TRIM5: variants seen among roughly 807,000 people sequenced by gnomAD.
TRIM5 encodes the protein tripartite motif containing 5.
A neutral mutation model predicts 35.6 loss-of-function variants in TRIM5; 31 were observed. That is an observed-to-expected ratio of 0.87 (90% CI 0.65 to 1.18). The LOEUF (loss-of-function observed/expected upper bound fraction) is 1.18, where lower values mean the gene tolerates loss of function less well. TRIM5 is among the 50% of genes most tolerant of loss of function. The probability of loss-of-function intolerance (pLI) is 0.00; values close to 1 mark genes in which losing one functional copy is unlikely to be tolerated. For missense variants in TRIM5, 609 were observed against 591.6 expected (o/e 1.03, Z -0.31); for synonymous variants, 243 against 215.6 (o/e 1.13, Z -1.11).
At chr11:5,611,122 A>G in the TRIM5 span, 7 of 1,614,006 alleles carry the variant, frequency 4.3e-6, no homozygotes, top group Non-Finnish European at 5.1e-6. Context: ...AGGGCCTATG[A>G]GGATTCTTCC....
At chr11:5,658,577 C>T (rs546111861), downstream of TRIM5, among the ~76,000 whole-genome samples, 4 of 152,186 alleles carry the variant, frequency 2.6e-5, no homozygotes, top group Admixed American at 6.5e-5. Context: ...TTCTAAGTGT[C>T]TATTACCCTG....
chr11:5,652,639 C>T, the TRIM5 span, among the ~76,000 whole-genome samples: 2 of 152,150 alleles, frequency 1.3e-5, no homozygotes, highest in South Asian at 4.1e-4. Context: ...AATTCCTTGG[C>T]TATTTGGGTT....
Position 5,665,280 on chromosome 11 carries a change from C to G in TRIM5, c.1011G>C (p.Gln337His), listed in dbSNP as rs1460611323. ...TACAATAATTGAAATTCACAAATGT[C>G]TGGTATCTTGTCCCTCGTGCCCCAT... ...IIYGARGTRY[Q>H]TFVNFNYCTG... is the part of the protein sequence containing the mutation. The change falls in exon 8 of 8, where the codon CAG becomes CAC. Residue 337 changes from glutamine to histidine, a missense_variant. Coordinates refer to ENST00000380034, the MANE Select transcript of TRIM5 (RefSeq NM_033034.3). The G allele has an allele frequency of 5.0e-6, 8 of 1,614,054 alleles. No individual in the cohort carries two copies. Among genetic ancestry groups the G allele is most frequent in the Non-Finnish European group, 6.8e-6 (8 of 1,180,044 alleles).
chr11:5,639,024 A>T, the TRIM5 span, among the ~76,000 whole-genome samples: 1 of 152,142 alleles, frequency 6.6e-6, no homozygotes, highest in Non-Finnish European at 1.5e-5. Context: ...TGGGGTCTAG[A>T]AAGCTTTCTC....
the TRIM5 span, among the ~76,000 whole-genome samples, chr11:5,616,950 T>G: frequency 1.5e-3 from 211 of 143,190 alleles, 29 homozygotes; most frequent in South Asian, 0.046. Context: ...TTGGCCAGGC[T>G]GATCTCAAAC....
the TRIM5 span, among the ~76,000 whole-genome samples, chr11:5,609,905 A>G: frequency 6.6e-6 from 1 of 152,126 alleles, no homozygotes; most frequent in Non-Finnish European, 1.5e-5. Context: ...CCTGGGTGAC[A>G]GAGCGAGACT....
At chr11:5,665,519 GTAAGT>G in intron 7 of TRIM5, 124 bp from the exon 8 acceptor site, 1 of 1,553,568 alleles carries the variant, frequency 6.4e-7, no homozygotes, top group Non-Finnish European at 8.6e-7. Flanking sequence ...ATAAGGAGGG[GTAAGT>G]TATGTGTGTC....
At chr11:5,654,028 CTT>C in the TRIM5 span, among the ~76,000 whole-genome samples, 5 of 151,932 alleles carry the variant, frequency 3.3e-5, no homozygotes, top group Admixed American at 3.3e-4. Flanking sequence ...GTGTCTGTCT[CTT>C]TGTTGAATTT....
chr11:5,602,234 A>T, the TRIM5 span, among the ~76,000 whole-genome samples: 12 of 152,100 alleles, frequency 7.9e-5, no homozygotes, highest in South Asian at 2.3e-3. Flanking sequence ...AGGTCAGGAG[A>T]TCGAGACCAT....
At chr11:5,649,153 G>A in the TRIM5 span, among the ~76,000 whole-genome samples, 3 of 152,148 alleles carry the variant, frequency 2.0e-5, no homozygotes, top group Non-Finnish European at 2.9e-5. Context: ...CAGTAGTGAA[G>A]GAGCCATGAG....
chr11:5,663,909 A>C lies in TRIM5; in HGVS notation c.*900T>G, dbSNP rs968350183. 2.0e-5 allele frequency: 3 copies of C among 153,496 alleles called. No individual in the cohort carries two copies. The highest frequency in any genetic ancestry group is 4.3e-5 in the Non-Finnish European group (3 of 69,196). 9.5% of individuals were successfully genotyped at this position (153,496 alleles called of 1,614,324 possible). On this transcript the variant is annotated 3_prime_UTR_variant, in exon 8 of 8. Transcript: ENST00000380034. ...TTTTAATACAAAAATTATTTTAAGA[A>C]AATAAGCACAGGCTGGGCGCCGTGG... is the stretch of plus-strand genomic sequence containing the variant.
chr11:5,622,318 G>A, the TRIM5 span, among the ~76,000 whole-genome samples: 4 of 152,060 alleles, frequency 2.6e-5, no homozygotes, highest in Admixed American at 1.3e-4. Context: ...TGTGGCAGGT[G>A]CCTGTAGTCC....
the TRIM5 span, chr11:5,604,922 C>T: frequency 4.6e-6 from 2 of 435,888 alleles, no homozygotes. Context: ...TTTGGCTTTT[C>T]CCTTGCATTC....
chr11:5,670,343 A>AT (rs1851493861), intron 4 of TRIM5, among the ~76,000 whole-genome samples: 1 of 102,608 alleles, frequency 9.7e-6, no homozygotes, highest in Admixed American at 9.3e-5. Context: ...ACACCCAGCT[A>AT]ATTTTTTTTT....
intron 1 of TRIM5, among the ~76,000 whole-genome samples, chr11:5,681,699 G>A (rs1852462890): frequency 7.9e-6 from 1 of 126,622 alleles, no homozygotes; most frequent in Non-Finnish European, 1.6e-5. Context: ...TCGTTATCTT[G>A]TCATGCTTCA....
chr11:5,623,133 G>A, the TRIM5 span, among the ~76,000 whole-genome samples: 1 of 108,638 alleles, frequency 9.2e-6, no homozygotes. Flanking sequence ...TTTTATCTTA[G>A]TAGCTGTCTT....
chr11:5,668,721 A>G (rs1424195125), intron 4 of TRIM5, among the ~76,000 whole-genome samples: 3 of 152,168 alleles, frequency 2.0e-5, no homozygotes, highest in African/African-American at 7.2e-5. Flanking sequence ...AAGTGCTGAG[A>G]TTACAGGCAT....
At chr11:5,610,656 G>A in the TRIM5 span, 3 of 1,566,326 alleles carry the variant, frequency 1.9e-6, no homozygotes, top group Non-Finnish European at 2.6e-6. Context: ...AGGTGTTGAT[G>A]CCTCCCCCAT....
the TRIM5 span, among the ~76,000 whole-genome samples, chr11:5,607,365 A>T: frequency 6.6e-6 from 1 of 152,204 alleles, no homozygotes; most frequent in Non-Finnish European, 1.5e-5. Flanking sequence ...ATTTACTGCA[A>T]ATTGACACAC....
Sources: gnomAD v4.1 joint callset for allele counts (sites outside exome capture counted in the v4.1 genomes callset) on GRCh38, gnomAD v4.1.1 for gene constraint, MANE v1.5 for transcripts, NCBI Gene and HGNC (gene_info 2026-07-23, HGNC 2026-07-21) for gene names.